The following PIAS2 variants were observed in gnomAD, a reference collection of about 807,000 sequenced individuals.
The protein encoded by PIAS2 is protein inhibitor of activated STAT 2.
PIAS2 carries 19 observed loss-of-function variants against 69.7 expected under a neutral mutation model. The ratio of observed to expected loss-of-function variants is 0.27; its 90% CI spans 0.19 to 0.40. The LOEUF is 0.40. Ranked by LOEUF, PIAS2 falls within the 10% of genes least tolerant of loss-of-function variation. PIAS2 has a pLI of 1.00. For synonymous variants in PIAS2, 261 were observed against 263.2 expected (o/e 0.99, Z 0.08); for missense variants, 624 against 757.0 (o/e 0.82, Z 2.06).
At position 46,812,414 on chromosome 18, in the gene PIAS2, G is replaced by C. The variant is rs772400828; in HGVS notation, c.*19C>G. 6.5e-7 allele frequency: 1 copy of C among 1,530,946 alleles called. No individual in the cohort carries two copies. The highest frequency in any genetic ancestry group is 1.4e-5 in the African/African-American group (1 of 73,376). 94.8% of individuals were successfully genotyped at this position (1,530,946 alleles called of 1,614,324 possible). A position where few individuals can be genotyped will look rare whatever the true frequency, so the allele number is the denominator to read the frequency against. ...AAGCAGTTCTGATGAATGATTCCCAGAATCAAGTGAGTCCTCCTTTAGTCC... is the reference window on the plus strand; with the variant it reads ...AAGCAGTTCTGATGAATGATTCCCACAATCAAGTGAGTCCTCCTTTAGTCC... On this transcript the variant is annotated 3_prime_UTR_variant, in exon 14 of 14. Coordinates refer to ENST00000585916, the MANE Select transcript of PIAS2 (RefSeq NM_004671.5).
intron 5 of PIAS2, among the ~76,000 whole-genome samples, chr18:46,848,285 A>C (rs1233394555): frequency 2.0e-5 from 3 of 152,230 alleles, no homozygotes; most frequent in Non-Finnish European, 2.9e-5. Context: ...AGAATCCATC[A>C]ATGAAAAGTT....
chr18:46,821,027 A>G lies in PIAS2; in HGVS notation c.1554T>C (p.Thr518=). Residue 518 remains threonine, a synonymous_variant, in exon 12 of 14, where the codon ACT becomes ACC. Transcript: ENST00000585916. ...QPSSVRVPSV[T]SVDPAAIPPS... ...GCGGAATAGCAGCAGGATCAACCGA[A>G]GTCACACTGGGCACCCTTACAGAAG... is the stretch of plus-strand genomic sequence containing the variant. The G allele has an allele frequency of 6.2e-7, 1 of 1,613,628 alleles. No homozygotes were observed. Among genetic ancestry groups the G allele is most frequent in the Non-Finnish European group, 8.5e-7 (1 of 1,179,630 alleles).
intron 2 of PIAS2, among the ~76,000 whole-genome samples, chr18:46,877,506 C>T (rs1165505939): frequency 2.6e-5 from 4 of 152,294 alleles, no homozygotes; most frequent in South Asian, 2.1e-4. Flanking sequence ...CTGCCCCTCC[C>T]GCCGAAACAG....
At position 46,864,193 on chromosome 18, in the gene PIAS2, A is replaced by G; in HGVS notation, c.555T>C (p.Pro185=). The change falls in exon 3 of 14, where the codon CCT becomes CCC. Residue 185 remains proline (P), a synonymous_variant. Transcript: ENST00000585916. ...QEKFFIFALT[P]QQVREICISR... The stretch of plus-strand genomic sequence containing the variant: ...ATATGCATATCTCTCTAACTTGTTG[A>G]GGTGTCAAAGCAAAAATAAAAAACT... 6.3e-7 allele frequency: 1 copy of G among 1,583,552 alleles called. No individual in the cohort carries two copies.
At chr18:46,863,331 A>G (rs1233293943) in intron 3 of PIAS2, among the ~76,000 whole-genome samples, 1 of 152,086 alleles carries the variant, frequency 6.6e-6, no homozygotes, top group African/African-American at 2.4e-5. Context: ...CCCAATATAT[A>G]TATTTTTTCA....
chr18:46,823,776 A>G (rs72907125), intron 11 of PIAS2, among the ~76,000 whole-genome samples: 1,682 of 152,378 alleles, frequency 0.011, 17 homozygotes, highest in Non-Finnish European at 0.017. Flanking sequence ...ATTCAACTTT[A>G]CATAGAATGG....
At chr18:46,859,427 CAAAAAAAA>C (rs55776913) in intron 3 of PIAS2, among the ~76,000 whole-genome samples, 3 of 89,568 alleles carry the variant, frequency 3.3e-5, no homozygotes, top group South Asian at 3.9e-4. Flanking sequence ...GACTCCGTCT[CAAAAAAAA>C]AAAAAAAAAA....
intron 13 of PIAS2, among the ~76,000 whole-genome samples, chr18:46,813,315 C>T (rs1441998167): frequency 6.6e-6 from 1 of 152,138 alleles, no homozygotes; most frequent in Non-Finnish European, 1.5e-5. Flanking sequence ...TCCTAGTGCT[C>T]ATATTTCACA....
intron 1 of PIAS2, among the ~76,000 whole-genome samples, chr18:46,903,917 T>C (rs973375049): frequency 2.0e-5 from 3 of 152,182 alleles, no homozygotes; most frequent in African/African-American, 7.2e-5. Context: ...ATACAACAAC[T>C]TGGATGAATT....
Position 46,862,595 on chromosome 18 carries a change from G to A in PIAS2, c.584+1569C>T, listed in dbSNP as rs560026480. ...AACTTTAAAGAGTCATATAAATAAT[G>A]TTTTGTTAACACTAAAGGTGTGTGT... On this transcript the variant is annotated intron_variant, in intron 3 of 13. Transcript: ENST00000585916. Among the ~76,000 whole-genome samples the A allele has an allele frequency of 1.5e-4, 23 of 151,898 alleles. No homozygotes were observed. The East Asian group carries it at 2.7e-3, about 18-fold the overall frequency.
At chr18:46,910,343 CTGGT>C (rs1366159541) in intron 1 of PIAS2, among the ~76,000 whole-genome samples, 2 of 152,126 alleles carry the variant, frequency 1.3e-5, no homozygotes, top group African/African-American at 4.8e-5. Flanking sequence ...AATTAGTAAA[CTGGT>C]TGGTAATTAT....
At chr18:46,910,884 C>T (rs1368032343) in intron 1 of PIAS2, among the ~76,000 whole-genome samples, 1 of 152,136 alleles carries the variant, frequency 6.6e-6, no homozygotes, top group Non-Finnish European at 1.5e-5. Context: ...TTTCAACATT[C>T]GAGAACTCAG....
rs769532588 is a variant in PIAS2, at chr18:46,844,112, G to C, written c.983C>G (p.Thr328Ser). The C allele has an allele frequency of 5.4e-6, 8 of 1,483,308 alleles. No individual in the cohort carries two copies. Among genetic ancestry groups the C allele is most frequent in the Non-Finnish European group, 7.2e-6 (8 of 1,112,934 alleles). 91.9% of individuals were successfully genotyped at this position (1,483,308 alleles called of 1,614,324 possible). ...HSRALIKEKL[T>S]ADPDSEIATT... is the part of the protein sequence containing the mutation. ...AGCAATTTCACTATCAGGATCTGCA[G>C]TAAGTTTTTCTTTAACTTTAAAAAG... is the stretch of plus-strand genomic sequence containing the variant. The change falls in exon 8 of 14, where the codon ACT (threonine) becomes AGT (serine). Residue 328 changes from threonine to serine, a missense_variant. Thr to Ser is a moderately conservative substitution (Grantham distance 58). Coordinates refer to ENST00000585916, the MANE Select transcript of PIAS2 (RefSeq NM_004671.5).
chr18:46,901,401 C>A, intron 1 of PIAS2: 1 of 162,962 alleles, frequency 6.1e-6, no homozygotes, highest in Non-Finnish European at 1.3e-5. Flanking sequence ...AAGAGCAAAA[C>A]TGTCTCCAAA....
rs1218795394 is a variant in PIAS2, at chr18:46,815,447, G to T, written c.1649-98C>A. 6.3e-6 allele frequency: 10 copies of T among 1,584,360 alleles called. No individual in the cohort carries two copies. In the African/African-American group the frequency reaches 1.2e-4, roughly 19 times the overall value. On this transcript the variant is annotated intron_variant, in intron 12 of 13. Coordinates refer to ENST00000585916, the MANE Select transcript of PIAS2 (RefSeq NM_004671.5). ...TATCACAAATCACAAAACATTTGTG[G>T]TAAGTGCTTACCACTCTGTCACAGA...
At position 46,890,774 on chromosome 18, in the gene PIAS2, T is replaced by G. The variant is rs776847321; in HGVS notation, c.305A>C (p.His102Pro). Residue 102 changes from histidine to proline, a missense_variant, in exon 2 of 14, where the codon CAC becomes CCC. Around this residue, in one of 3 missense-constraint regions of PIAS2, gnomAD observed 339 missense variants for 408.8 expected, o/e 0.83. Transcript: ENST00000585916. ...VEPDLAVAGI[H>P]SLPSTSVTPH... The stretch of plus-strand genomic sequence containing the variant: ...TGTAACTGAAGTGGAAGGCAACGAG[T>G]GGATTCCAGCCACGGCCAAGTCAGG... 1 of 1,613,966 alleles carries G rather than the reference T, an allele frequency of 6.2e-7. No homozygotes were observed. The highest frequency in any genetic ancestry group is 2.2e-5 in the East Asian group (1 of 44,872).
chr18:46,917,019 G>C, intron 1 of PIAS2: 4 of 987,158 alleles, frequency 4.1e-6, no homozygotes, highest in Non-Finnish European at 4.8e-6. Context: ...CCGGGATGTC[G>C]GGTCCCCATG....
chr18:46,913,986 A>G (rs1296351610), intron 1 of PIAS2, among the ~76,000 whole-genome samples: 2 of 152,214 alleles, frequency 1.3e-5, no homozygotes, highest in African/African-American at 4.8e-5. Flanking sequence ...TGGAGGAGGA[A>G]GCAAGGCAGC....
intron 3 of PIAS2, among the ~76,000 whole-genome samples, chr18:46,856,702 C>T (rs1470395850): frequency 1.3e-5 from 2 of 152,190 alleles, no homozygotes; most frequent in African/African-American, 4.8e-5. Flanking sequence ...GACATGTATA[C>T]ACATTACAGT....
Sources: allele counts gnomAD v4.1 joint callset (sites outside exome capture counted in the v4.1 genomes callset), GRCh38; gene constraint gnomAD v4.1.1; regional missense constraint gnomAD v4.1.1; transcripts MANE v1.5; gene names NCBI Gene and HGNC (gene_info 2026-07-23, HGNC 2026-07-21).